Variants in UBASH3B observed in about 807,000 individuals in gnomAD.
UBASH3B encodes ubiquitin-associated and SH3 domain-containing protein B.
A neutral mutation model predicts 83.4 loss-of-function variants in UBASH3B; 37 were observed. The observed-to-expected ratio is 0.44, with a 90% CI of 0.34 to 0.58. The LOEUF is 0.58. UBASH3B is among the 20% of genes least tolerant of loss of function. The pLI is 0.01. For missense variants in UBASH3B, 657 were observed against 827.2 expected, an observed-to-expected ratio of 0.79 and a Z score of 2.52; for synonymous variants, 304 against 318.3, an observed-to-expected ratio of 0.96 and a Z score of 0.48.
At position 122,806,604 on chromosome 11, in the gene UBASH3B, C is replaced by T. The variant is rs1202437158; in HGVS notation, c.1702+88C>T. ...AGGTTATTCAAGATGTTTCAACTTGCTTTGGCTAACCAAAGAAATGTATTT... is the reference window on the plus strand; with the variant it reads ...AGGTTATTCAAGATGTTTCAACTTGTTTTGGCTAACCAAAGAAATGTATTT... On this transcript the variant is annotated intron_variant, in intron 12 of 13. Coordinates refer to ENST00000284273, the MANE Select transcript of UBASH3B (RefSeq NM_032873.5). This position sits in a 1 kb window ranked among gnomAD's most constrained non-coding sequence, Gnocchi z 4.0. 13 of 1,380,862 alleles carry T rather than the reference C, an allele frequency of 9.4e-6. No homozygotes were observed. Among genetic ancestry groups the T allele is most frequent in the Non-Finnish European group, 1.2e-5 (13 of 1,064,824 alleles). The allele number at this position is 1,380,862 out of a possible 1,614,324, so 85.5% of individuals were successfully genotyped here.
chr11:122,696,036 G>A (rs546902564), intron 1 of UBASH3B, among the ~76,000 whole-genome samples: 5 of 152,138 alleles, frequency 3.3e-5, no homozygotes, highest in African/African-American at 1.2e-4. Context: ...TGTAGCTTCC[G>A]TCTCCCAGGT....
At chr11:122,711,422 C>T (rs1565537619) in intron 1 of UBASH3B, among the ~76,000 whole-genome samples, 2 of 152,250 alleles carry the variant, frequency 1.3e-5, no homozygotes, top group Non-Finnish European at 2.9e-5. Context: ...AAGATGGTCA[C>T]CCCTGAGTCC....
intron 1 of UBASH3B, among the ~76,000 whole-genome samples, chr11:122,757,782 C>T (rs967677798): frequency 5.0e-4 from 72 of 142,624 alleles, no homozygotes; most frequent in African/African-American, 1.8e-3. Context: ...GGTGCAATCT[C>T]GGCTCACTGC....
intron 5 of UBASH3B, among the ~76,000 whole-genome samples, chr11:122,783,612 C>CTTAGGTGAGTTGAAGAACATA (rs1860896211): frequency 6.6e-6 from 1 of 151,668 alleles, no homozygotes; most frequent in Non-Finnish European, 1.5e-5. Context: ...ATATAAATAC[C>CTTAGGTGAGTTGAAGAACATA]AAAGAAAACA....
chr11:122,657,528 A>T (rs1187609647), intron 1 of UBASH3B, among the ~76,000 whole-genome samples: 2 of 152,116 alleles, frequency 1.3e-5, no homozygotes, highest in Non-Finnish European at 2.9e-5. Flanking sequence ...ACCTCAGGTG[A>T]TCCACCCACC....
In UBASH3B at chr11:122,814,091, G is replaced by C. The variant is rs368080946; in HGVS notation, c.*4205G>C. On this transcript the variant is annotated 3_prime_UTR_variant, in exon 14 of 14. Transcript: ENST00000284273. ...TCTGTACAGGATAGATGTGTATAAT[G>C]GAAAATATGTACTGCTTCTTTCTTT... 5.2e-5 allele frequency: 8 copies of C among 152,728 alleles called. No individual in the cohort carries two copies. The highest frequency in any genetic ancestry group is 1.9e-4 in the African/African-American group (8 of 41,554). 9.5% of individuals were successfully genotyped at this position (152,728 alleles called of 1,614,324 possible).
In UBASH3B at chr11:122,806,620, A is replaced by G. The variant is rs1861344234; in HGVS notation, c.1702+104A>G. The G allele has an allele frequency of 7.4e-7, 1 of 1,349,326 alleles. No individual in the cohort carries two copies. The highest frequency in any genetic ancestry group is 3.0e-5 in the East Asian group (1 of 33,232). The allele number at this position is 1,349,326 out of a possible 1,614,324, so 83.6% of individuals were successfully genotyped here. ...TTCAACTTGCTTTGGCTAACCAAAG[A>G]AATGTATTTCCAGATTTTCTTCCAG... is the stretch of plus-strand genomic sequence containing the variant. On this transcript the variant is annotated intron_variant, in intron 12 of 13. Transcript: ENST00000284273. This position sits in a 1 kb window ranked among gnomAD's most constrained non-coding sequence, Gnocchi z 4.0.
chr11:122,799,023 A>G lies in UBASH3B; in HGVS notation c.1439A>G (p.Asn480Ser), dbSNP rs748770593. Residue 480 changes from asparagine (N) to serine (S), a missense_variant, in exon 10 of 14, where the codon AAT becomes AGT. Physicochemically the swap from Asn to Ser is conservative, Grantham distance 46 (BLOSUM62 1). This residue lies in a region of UBASH3B where 573 missense variants were observed against 739.0 expected (regional missense o/e 0.78). Coordinates refer to ENST00000284273, the MANE Select transcript of UBASH3B (RefSeq NM_032873.5). Reference protein sequence around the residue: ...PSLRCVQTAHNILKGLQQENH... With the variant: ...PSLRCVQTAHSILKGLQQENH... ...CTTCGCTGCGTTCAGACTGCACACA[A>G]TATCTTGAAAGGTAAGACTTGCAGG... 3.1e-6 allele frequency: 5 copies of G among 1,614,008 alleles called. No individual in the cohort carries two copies. The highest frequency in any genetic ancestry group is 4.2e-6 in the Non-Finnish European group (5 of 1,179,910).
chr11:122,736,655 G>A (rs1478742820), intron 1 of UBASH3B, among the ~76,000 whole-genome samples: 2 of 152,008 alleles, frequency 1.3e-5, no homozygotes, highest in African/African-American at 2.4e-5. Context: ...ACGCACACAT[G>A]ATGAGAAGGA....
intron 1 of UBASH3B, among the ~76,000 whole-genome samples, chr11:122,710,718 T>C (rs562979081): frequency 1.3e-4 from 19 of 151,642 alleles, no homozygotes; most frequent in African/African-American, 3.4e-4. Context: ...CTGGGGAGAA[T>C]TGGGGAGGGG....
chr11:122,663,386 A>G (rs940089450), intron 1 of UBASH3B, among the ~76,000 whole-genome samples: 1 of 152,252 alleles, frequency 6.6e-6, no homozygotes, highest in Admixed American at 6.5e-5. Context: ...TAATTTAATG[A>G]GGAAACTGAG....
chr11:122,692,684 G>C (rs1170370420), intron 1 of UBASH3B, among the ~76,000 whole-genome samples: 1 of 152,236 alleles, frequency 6.6e-6, no homozygotes, highest in African/African-American at 2.4e-5. Flanking sequence ...GACAGGGTTT[G>C]TCTCATACGA....
intron 1 of UBASH3B, among the ~76,000 whole-genome samples, chr11:122,660,774 G>T (rs1311181166): frequency 6.6e-6 from 1 of 152,144 alleles, no homozygotes. Context: ...TTTTGAGGCT[G>T]CTGGTGGCTA....
intron 1 of UBASH3B, among the ~76,000 whole-genome samples, chr11:122,688,028 C>G (rs769084701): frequency 3.3e-5 from 5 of 152,164 alleles, no homozygotes; most frequent in Non-Finnish European, 7.3e-5. Context: ...GGCCACTCGG[C>G]ATGGCAGGTG....
intron 1 of UBASH3B, among the ~76,000 whole-genome samples, chr11:122,727,226 G>A (rs780126941): frequency 5.3e-5 from 8 of 152,154 alleles, no homozygotes; most frequent in Non-Finnish European, 1.2e-4. Context: ...GAGTTCTTTC[G>A]TTTTTCTTTT....
intron 1 of UBASH3B, among the ~76,000 whole-genome samples, chr11:122,696,154 T>A: frequency 6.6e-6 from 1 of 151,850 alleles, no homozygotes; most frequent in Non-Finnish European, 1.5e-5. Flanking sequence ...TTCACCATGT[T>A]GGCCAGACTG....
At chr11:122,687,795 C>T (rs1863827398) in intron 1 of UBASH3B, among the ~76,000 whole-genome samples, 1 of 152,112 alleles carries the variant, frequency 6.6e-6, no homozygotes, top group Non-Finnish European at 1.5e-5. Flanking sequence ...CATCTTCTTC[C>T]TGGTGCTCCC....
At chr11:122,745,173 A>G (rs1260229260) in intron 1 of UBASH3B, among the ~76,000 whole-genome samples, 1 of 152,086 alleles carries the variant, frequency 6.6e-6, no homozygotes, top group African/African-American at 2.4e-5. Flanking sequence ...TTTTTCTCTC[A>G]AACTTTAAAA....
At chr11:122,744,064 G>C (rs79602850) in intron 1 of UBASH3B, among the ~76,000 whole-genome samples, 11,750 of 152,280 alleles carry the variant, frequency 0.077, 950 homozygotes, top group African/African-American at 0.21. Context: ...AGACCCAGGC[G>C]TCAGTGAGAT....
Sources: allele counts gnomAD v4.1 joint callset (sites outside exome capture counted in the v4.1 genomes callset), GRCh38; gene constraint gnomAD v4.1.1; regional missense constraint gnomAD v4.1.1; non-coding constraint Gnocchi (gnomAD v3.1); transcripts MANE v1.5; gene names NCBI Gene and HGNC (gene_info 2026-07-23, HGNC 2026-07-21).